Variants in IGF2BP2 observed in about 807,000 individuals in gnomAD.
IGF2BP2 encodes the protein insulin like growth factor 2 mRNA binding protein 2.
Under a neutral mutation model 75.8 loss-of-function variants are expected in IGF2BP2, and 17 were observed. That is an observed-to-expected ratio of 0.22 (90% CI 0.15 to 0.34). IGF2BP2 has a LOEUF of 0.34. Among genes scored for constraint, IGF2BP2 ranks in the 10% least tolerant of loss-of-function variants. The pLI, the probability that IGF2BP2 is intolerant of heterozygous loss-of-function variation, is 1.00. For synonymous variants in IGF2BP2, 288 were observed against 295.6 expected (o/e 0.97, Z 0.26); for missense variants, 516 against 772.4 (o/e 0.67, Z 3.93).
At chr3:185,717,954 G>A (rs1336077295) in intron 2 of IGF2BP2, 6 of 152,228 alleles carry the variant, frequency 3.9e-5, no homozygotes, top group Admixed American at 2.0e-4. Flanking sequence ...GCTTTGCACT[G>A]TGCATTCCCA....
At chr3:185,754,009 C>T (rs752040668) in intron 2 of IGF2BP2, among the ~76,000 whole-genome samples, 7 of 151,686 alleles carry the variant, frequency 4.6e-5, no homozygotes, top group African/African-American at 1.7e-4. Context: ...TTCGAGACCA[C>T]CCTGGGCAAC....
At chr3:185,804,888 G>C (rs1194778619) in intron 2 of IGF2BP2, among the ~76,000 whole-genome samples, 2 of 151,812 alleles carry the variant, frequency 1.3e-5, no homozygotes, top group African/African-American at 4.8e-5. Flanking sequence ...AGCTACTCGG[G>C]AGGCTGAGGC....
rs1560463076 is a variant in IGF2BP2 at position 185,783,157 on chromosome 3, CAAG to C, written c.239+39993_239+39995del. ...ATATATGATTCACAGTTGAGACACA[CAAG>C]ATACTTGCAAACCAAGAGTGGTCCT... is the stretch of plus-strand genomic sequence containing the variant. On this transcript the variant is annotated intron_variant, in intron 2 of 15. Coordinates refer to ENST00000382199, the MANE Select transcript of IGF2BP2 (RefSeq NM_006548.6). Among the ~76,000 whole-genome samples the C allele has an allele frequency of 3.3e-5, 5 of 152,310 alleles. No individual in the cohort carries two copies. In the East Asian group the frequency reaches 9.6e-4, roughly 29 times the overall value.
chr3:185,799,164 T>A (rs1475282224), intron 2 of IGF2BP2, among the ~76,000 whole-genome samples: 1 of 142,042 alleles, frequency 7.0e-6, no homozygotes, highest in Non-Finnish European at 1.5e-5. Context: ...TATTGGGAGG[T>A]CAAGTCAGGC....
chr3:185,683,493 C>T (rs1010075883), intron 7 of IGF2BP2, among the ~76,000 whole-genome samples: 45 of 152,092 alleles, frequency 3.0e-4, no homozygotes, highest in African/African-American at 1.1e-3. Context: ...CCTGCAACCT[C>T]CGCCTCCTGG....
At chr3:185,789,526 A>G (rs1467881842) in intron 2 of IGF2BP2, among the ~76,000 whole-genome samples, 1 of 152,142 alleles carries the variant, frequency 6.6e-6, no homozygotes, top group Non-Finnish European at 1.5e-5. Context: ...CAAGACAAAA[A>G]TTAACGCAAC....
At chr3:185,727,423 T>G (rs1019534555) in intron 2 of IGF2BP2, among the ~76,000 whole-genome samples, 7 of 152,012 alleles carry the variant, frequency 4.6e-5, no homozygotes, top group Non-Finnish European at 1.0e-4. Flanking sequence ...ATGGCTGGCT[T>G]GGACTGAGGC....
In IGF2BP2 at chr3:185,644,602, G is replaced by T. The variant is rs1214608546; in HGVS notation, c.*929C>A. ...CACTGCTTTGCCTGGGGGGGGGGGG[G>T]TGCGTAGATACGGGATTGAGATGGA... On this transcript the variant is annotated 3_prime_UTR_variant, in exon 16 of 16. Coordinates refer to ENST00000382199, the MANE Select transcript of IGF2BP2 (RefSeq NM_006548.6). The T allele has an allele frequency of 3.4e-5, 3 of 88,972 alleles. No individual in the cohort carries two copies. Among genetic ancestry groups the T allele is most frequent in the South Asian group, 3.9e-4 (1 of 2,566 alleles). 5.5% of individuals were successfully genotyped at this position (88,972 alleles called of 1,614,324 possible). A position where few individuals can be genotyped will look rare whatever the true frequency, so the allele number is the denominator to read the frequency against.
In IGF2BP2 at chr3:185,685,039, C is replaced by A. The variant is rs576022910; in HGVS notation, c.812+2018G>T. Among the ~76,000 whole-genome samples the A allele has an allele frequency of 7.2e-4, 109 of 152,164 alleles. 2 individuals carry two copies. In the South Asian group the frequency reaches 0.022, roughly 31 times the overall value. On this transcript the variant is annotated intron_variant, in intron 7 of 15. Coordinates refer to ENST00000382199, the MANE Select transcript of IGF2BP2 (RefSeq NM_006548.6). The stretch of plus-strand genomic sequence containing the variant: ...ATTTAGAATTTTATTAAGTTGTTTG[C>A]ACCTAGGTTGAAGAATCAAGGAAGG...
At chr3:185,804,373 A>G (rs1376063037) in intron 2 of IGF2BP2, among the ~76,000 whole-genome samples, 1 of 151,554 alleles carries the variant, frequency 6.6e-6, no homozygotes, top group Non-Finnish European at 1.5e-5. Context: ...CAGAGGTTGC[A>G]GTGAGCTGAG....
At chr3:185,750,110 C>T (rs1460655516) in intron 2 of IGF2BP2, among the ~76,000 whole-genome samples, 1 of 152,078 alleles carries the variant, frequency 6.6e-6, no homozygotes, top group South Asian at 2.1e-4. Context: ...TGGGGTGGGG[C>T]CTTAGAATTT....
intron 2 of IGF2BP2, among the ~76,000 whole-genome samples, chr3:185,718,684 CAAAAAA>C (rs10699427): frequency 3.0e-4 from 15 of 49,516 alleles, no homozygotes; most frequent in South Asian, 2.6e-3. Context: ...GACTCTGTCT[CAAAAAA>C]AAAAAAAAAA....
intron 2 of IGF2BP2, among the ~76,000 whole-genome samples, chr3:185,753,508 G>A (rs1391492536): frequency 6.6e-6 from 1 of 152,228 alleles, no homozygotes. Flanking sequence ...TGGGGTGGCC[G>A]AGTCTGCCTC....
At chr3:185,804,824 C>A (rs1304138339) in intron 2 of IGF2BP2, among the ~76,000 whole-genome samples, 8 of 151,444 alleles carry the variant, frequency 5.3e-5, no homozygotes, top group African/African-American at 1.9e-4. Flanking sequence ...CCCGTCTCTA[C>A]CAAAAATATA....
chr3:185,798,882 C>T (rs531178639), intron 2 of IGF2BP2, among the ~76,000 whole-genome samples: 1 of 151,064 alleles, frequency 6.6e-6, no homozygotes, highest in African/African-American at 2.4e-5. Context: ...GCTCAAGCAA[C>T]CCTCCCACCT....
chr3:185,799,446 GATC>G (rs1737884585), intron 2 of IGF2BP2, among the ~76,000 whole-genome samples: 1 of 151,674 alleles, frequency 6.6e-6, no homozygotes, highest in Admixed American at 6.6e-5. Context: ...TTAGAATGGT[GATC>G]ATTAAAAAGT....
At chr3:185,812,984 A>G (rs1179286651) in intron 2 of IGF2BP2, among the ~76,000 whole-genome samples, 7 of 152,214 alleles carry the variant, frequency 4.6e-5, no homozygotes, top group Admixed American at 3.9e-4. Flanking sequence ...TCTTGAAACC[A>G]TTATTGAAAT....
chr3:185,655,606 G>A (rs892990672), intron 12 of IGF2BP2, among the ~76,000 whole-genome samples: 4 of 152,184 alleles, frequency 2.6e-5, no homozygotes, highest in Admixed American at 6.5e-5. Flanking sequence ...TCCTCCTGAC[G>A]CAGCACTGCT....
At chr3:185,784,267 T>TAGACAGATAGACAGACAGAC (rs1553888832) in intron 2 of IGF2BP2, among the ~76,000 whole-genome samples, 5 of 151,736 alleles carry the variant, frequency 3.3e-5, no homozygotes, top group African/African-American at 1.2e-4. Flanking sequence ...GATAGATAGA[T>TAGACAGATAGACAGACAGAC]AGACAGACAG....
Sources: allele counts gnomAD v4.1 joint callset (sites outside exome capture counted in the v4.1 genomes callset), GRCh38; gene constraint gnomAD v4.1.1; transcripts MANE v1.5; gene names NCBI Gene and HGNC (gene_info 2026-07-23, HGNC 2026-07-21).